LZIC: variants seen among roughly 807,000 people sequenced by gnomAD.
LZIC encodes protein LZIC.
Under a neutral mutation model 25.4 loss-of-function variants are expected in LZIC, and 28 were observed. The observed-to-expected ratio is 1.10, with a 90% CI of 0.82 to 1.51. LZIC has a LOEUF of 1.51. Ranked by LOEUF, LZIC falls within the 40% of genes most tolerant of loss-of-function variation. The pLI is 0.00. For missense variants in LZIC, 170 were observed against 211.1 expected, an observed-to-expected ratio of 0.81 and a Z score of 1.21; for synonymous variants, 65 against 70.7, an observed-to-expected ratio of 0.92 and a Z score of 0.40.
chr1:9,929,334 G>C lies in LZIC; in HGVS notation c.*1065C>G. On this transcript the variant is annotated 3_prime_UTR_variant, in exon 8 of 8. Coordinates refer to ENST00000377223, the MANE Select transcript of LZIC (RefSeq NM_032368.5). ...AAAGTGCAAAGAAAAAGAATATTGA[G>C]AAGCACATGAAAGAATATAAAATGG... The C allele has an allele frequency of 1.0e-6, 1 of 984,818 alleles. No homozygotes were observed. Among genetic ancestry groups the C allele is most frequent in the South Asian group, 4.7e-5 (1 of 21,274 alleles). The allele number at this position is 984,818 out of a possible 1,614,324, so 61.0% of individuals were successfully genotyped here. A position where few individuals can be genotyped will look rare whatever the true frequency, so the allele number is the denominator to read the frequency against.
chr1:9,942,631 T>TTA lies in LZIC; in HGVS notation c.-18_-17dup. On this transcript the variant is annotated 5_prime_UTR_variant, in exon 2 of 8. An upstream open reading frame in the 5' UTR loses its in-frame stop. Coordinates refer to ENST00000377223, the MANE Select transcript of LZIC (RefSeq NM_032368.5). ...GTCCTCATTCATGCTCACCTGTCTC[T>TTA]TAGTACTCTGATCTCTGCACAGTGC... The TTA allele has an allele frequency of 3.9e-6, 5 of 1,285,248 alleles. No homozygotes were observed. Among genetic ancestry groups the TTA allele is most frequent in the Non-Finnish European group, 5.1e-6 (5 of 985,364 alleles). The allele number at this position is 1,285,248 out of a possible 1,614,324, so 79.6% of individuals were successfully genotyped here.
At chr1:9,926,076 G>C (rs953202669), downstream of LZIC, among the ~76,000 whole-genome samples, 2 of 151,592 alleles carry the variant, frequency 1.3e-5, no homozygotes, top group African/African-American at 4.9e-5. Flanking sequence ...TGTATTTTCA[G>C]TAGAGACAAG....
chr1:9,938,878 C>T (rs990874662), intron 2 of LZIC, among the ~76,000 whole-genome samples: 17 of 152,146 alleles, frequency 1.1e-4, no homozygotes, highest in African/African-American at 4.1e-4. Context: ...CAAAAGCCAC[C>T]TGCAACATTT....
At chr1:9,934,934 T>G in intron 4 of LZIC, 74 bp from the exon 5 acceptor site, 1 of 1,092,510 alleles carries the variant, frequency 9.2e-7, no homozygotes, top group Non-Finnish European at 1.4e-6. Context: ...GATTGACGGA[T>G]CCTTAATTTT....
rs755535414 is a variant in LZIC at position 9,930,299 on chromosome 1, T to A, written c.*100A>T. ...GCTTTTTCTTAGGTTATTGATGCATTTCCAGAATCTCTTCATTTCTTTGCA... is the reference window on the plus strand; with the variant it reads ...GCTTTTTCTTAGGTTATTGATGCATATCCAGAATCTCTTCATTTCTTTGCA... On this transcript the variant is annotated 3_prime_UTR_variant, in exon 8 of 8. Coordinates refer to ENST00000377223, the MANE Select transcript of LZIC (RefSeq NM_032368.5). The A allele has an allele frequency of 2.5e-5, 39 of 1,560,390 alleles. No individual in the cohort carries two copies. The highest frequency in any genetic ancestry group is 3.1e-5 in the Non-Finnish European group (36 of 1,156,722).
At chr1:9,936,671 C>T (rs749667881) in intron 2 of LZIC, 44 bp from the exon 3 acceptor site, 10 of 1,278,950 alleles carry the variant, frequency 7.8e-6, no homozygotes, top group South Asian at 1.2e-5. Context: ...AATTAACATA[C>T]CAGTGCAATT....
Position 9,930,029 on chromosome 1 carries a change from G to C in LZIC, c.*370C>G. ...GTCACTGTTCACTCCAATGAGTGGG[G>C]ATAAGTTGTAAGCAGAAAAATATCA... On this transcript the variant is annotated 3_prime_UTR_variant, in exon 8 of 8. Coordinates refer to ENST00000377223, the MANE Select transcript of LZIC (RefSeq NM_032368.5). The C allele has an allele frequency of 9.9e-7, 1 of 1,012,742 alleles. No individual in the cohort carries two copies. Among genetic ancestry groups the C allele is most frequent in the Non-Finnish European group, 1.2e-6 (1 of 845,650 alleles). The allele number at this position is 1,012,742 out of a possible 1,614,324, so 62.7% of individuals were successfully genotyped here.
chr1:9,925,389 C>A (rs1639957416), downstream of LZIC, among the ~76,000 whole-genome samples: 1 of 152,140 alleles, frequency 6.6e-6, no homozygotes, highest in South Asian at 2.1e-4. Flanking sequence ...CACAGAAAAA[C>A]TTGATGGCTC....
At chr1:9,942,601 G>A (rs1018423179) in intron 2 of LZIC, 23 bp downstream of exon 2, 2 of 1,170,804 alleles carry the variant, frequency 1.7e-6, no homozygotes, top group Non-Finnish European at 1.1e-6. Context: ...TATCTGGAGC[G>A]GAGGGTCCTC....
rs1307613533 is a variant in LZIC at position 9,928,550 on chromosome 1, A to G, written c.*1849T>C. On this transcript the variant is annotated 3_prime_UTR_variant, in exon 8 of 8. Transcript: ENST00000377223. ...ATTTAGCCATAAAAAGGAATAAAGT[A>G]CTGATACATGCTATAATGTTGGTTA... Among the ~76,000 whole-genome samples, 2 of 152,212 alleles carry G rather than the reference A, an allele frequency of 1.3e-5. No individual in the cohort carries two copies. The highest frequency in any genetic ancestry group is 2.9e-5 in the Non-Finnish European group (2 of 68,042).
chr1:9,922,939 A>G (rs1053246975), downstream of LZIC, among the ~76,000 whole-genome samples: 4 of 152,234 alleles, frequency 2.6e-5, no homozygotes, highest in East Asian at 1.9e-4. Flanking sequence ...AGACTATACT[A>G]TAACACATAC....
rs768359971 is a variant in LZIC at position 9,936,541 on chromosome 1, A to G, written c.79T>C (p.Leu27=). 13 of 1,612,930 alleles carry G rather than the reference A, an allele frequency of 8.1e-6. No homozygotes were observed. Among genetic ancestry groups the G allele is most frequent in the Non-Finnish European group, 1.1e-5 (13 of 1,179,010 alleles). ...EEQLDRLMQQ[L]QDLEECREEL... ...TACCTGCATTCCTCCAGATCTTGTA[A>G]TTGTTGCATGAGTCTATCCAACTGT... Residue 27 remains leucine (L), a synonymous_variant, in exon 3 of 8, where the codon TTA becomes CTA. Transcript: ENST00000377223.
chr1:9,942,903 C>G (rs1349507552), intron 1 of LZIC, 121 bp from the exon 2 acceptor site: 3 of 359,312 alleles, frequency 8.3e-6, no homozygotes, highest in Non-Finnish European at 1.7e-5. Flanking sequence ...CACTTTCCCC[C>G]TCGACTGCGC....
In LZIC at chr1:9,936,524, T is replaced by C. The variant is rs1458666023; in HGVS notation, c.96A>G (p.Glu32=). Residue 32 remains glutamate (E), a synonymous_variant, in exon 3 of 8, where the codon GAA becomes GAG. Transcript: ENST00000377223. ...RLMQQLQDLE[E]CREELDTDEY... is the part of the protein sequence containing the mutation. ...ACATACAATTAAACTCTTACCTGCA[T>C]TCCTCCAGATCTTGTAATTGTTGCA... is the stretch of plus-strand genomic sequence containing the variant. The C allele has an allele frequency of 6.2e-7, 1 of 1,607,678 alleles. No homozygotes were observed. The highest frequency in any genetic ancestry group is 2.2e-5 in the East Asian group (1 of 44,850).
chr1:9,939,137 G>A (rs1424824884), intron 2 of LZIC, among the ~76,000 whole-genome samples: 1 of 152,106 alleles, frequency 6.6e-6, no homozygotes, highest in Non-Finnish European at 1.5e-5. Context: ...GAGTGCGGTG[G>A]CACGATTTCG....
At position 9,927,389 on chromosome 1, in the gene LZIC, C is replaced by T. The variant is rs958113213; in HGVS notation, c.*3010G>A. Among the ~76,000 whole-genome samples, 3 of 152,132 alleles carry T rather than the reference C, an allele frequency of 2.0e-5. No individual in the cohort carries two copies. Among genetic ancestry groups the T allele is most frequent in the African/African-American group, 7.2e-5 (3 of 41,514 alleles). On this transcript the variant is annotated 3_prime_UTR_variant, in exon 8 of 8. Coordinates refer to ENST00000377223, the MANE Select transcript of LZIC (RefSeq NM_032368.5). ...TGATCTCAGTTCACTGCAACCTCTGCTTCCCAGGTTCAGGTGATCCTCTGA... is the reference window on the plus strand; with the variant it reads ...TGATCTCAGTTCACTGCAACCTCTGTTTCCCAGGTTCAGGTGATCCTCTGA...
At chr1:9,934,917 A>T (rs539637560) in intron 4 of LZIC, 57 bp from the exon 5 acceptor site, 1 of 1,228,966 alleles carries the variant, frequency 8.1e-7, no homozygotes, top group African/African-American at 1.5e-5. Flanking sequence ...CAGATATTGC[A>T]ATAACTGATT....
intron 2 of LZIC, among the ~76,000 whole-genome samples, chr1:9,941,079 G>T (rs1284930840): frequency 1.3e-5 from 2 of 152,046 alleles, no homozygotes; most frequent in Non-Finnish European, 2.9e-5. Context: ...ATTCTTCAAA[G>T]TCTAGTTCAA....
chr1:9,924,365 A>T (rs542457814), downstream of LZIC, among the ~76,000 whole-genome samples: 2 of 151,520 alleles, frequency 1.3e-5, no homozygotes, highest in South Asian at 2.1e-4. Flanking sequence ...TTATTTATTT[A>T]TTTTTTTGAG....
Sources: allele counts gnomAD v4.1 joint callset (sites outside exome capture counted in the v4.1 genomes callset), GRCh38; gene constraint gnomAD v4.1.1; transcripts MANE v1.5; gene names NCBI Gene and HGNC (gene_info 2026-07-23, HGNC 2026-07-21).